Variants in DPYD observed in about 807,000 individuals in gnomAD.
The protein encoded by DPYD is dihydropyrimidine dehydrogenase [NADP(+)].
DPYD carries 109 observed loss-of-function variants against 116.2 expected under a neutral mutation model. That is an observed-to-expected ratio of 0.94 (90% CI 0.80 to 1.10). DPYD has a LOEUF of 1.10. DPYD is among the 50% of genes least tolerant of loss of function. The pLI is 0.00. For missense variants in DPYD, 1,302 were observed against 1,254.5 expected (o/e 1.04, Z -0.57); for synonymous variants, 440 against 432.0 (o/e 1.02, Z -0.23).
intron 20 of DPYD, among the ~76,000 whole-genome samples, chr1:97,133,309 GCTTT>G (rs1394933023): frequency 1.3e-5 from 2 of 151,556 alleles, no homozygotes; most frequent in African/African-American, 4.8e-5. Context: ...TTTTTTAATT[GCTTT>G]CTGATAGTGA....
intron 18 of DPYD, among the ~76,000 whole-genome samples, chr1:97,303,928 T>C (rs1390456579): frequency 6.6e-6 from 1 of 151,990 alleles, no homozygotes; most frequent in Non-Finnish European, 1.5e-5. Context: ...TAATTTCCAG[T>C]GTGTGTATGC....
chr1:97,577,994 C>T (rs1229486668), intron 10 of DPYD, among the ~76,000 whole-genome samples: 3 of 151,792 alleles, frequency 2.0e-5, no homozygotes, highest in African/African-American at 7.3e-5. Context: ...TACAGGCACC[C>T]GCCACCATGC....
intron 3 of DPYD, among the ~76,000 whole-genome samples, chr1:97,776,953 C>T (rs550203028): frequency 6.0e-4 from 92 of 152,180 alleles, no homozygotes; most frequent in African/African-American, 2.2e-3. Context: ...TACATAAAGG[C>T]GCAAAGCTAC....
chr1:97,829,069 C>T (rs1669393867), intron 2 of DPYD, among the ~76,000 whole-genome samples: 1 of 151,488 alleles, frequency 6.6e-6, no homozygotes, highest in African/African-American at 2.4e-5. Flanking sequence ...ATATATGAAT[C>T]TTTTGGCACC....
At chr1:97,878,754 T>C (rs1387421936) in intron 2 of DPYD, among the ~76,000 whole-genome samples, 1 of 151,980 alleles carries the variant, frequency 6.6e-6, no homozygotes, top group Non-Finnish European at 1.5e-5. Flanking sequence ...CAACTCACAC[T>C]GATCATTAAA....
At chr1:97,812,103 T>C (rs1239868999) in intron 3 of DPYD, among the ~76,000 whole-genome samples, 4 of 152,166 alleles carry the variant, frequency 2.6e-5, no homozygotes, top group African/African-American at 9.7e-5. Flanking sequence ...TCCCTCATGA[T>C]TTTAGAATTA....
intron 8 of DPYD, among the ~76,000 whole-genome samples, chr1:97,623,097 T>C (rs149866803): frequency 2.0e-4 from 31 of 152,092 alleles, no homozygotes; most frequent in African/African-American, 7.0e-4. Flanking sequence ...AGCTGGGCAA[T>C]GTTGAAAGTG....
intron 11 of DPYD, among the ~76,000 whole-genome samples, chr1:97,553,986 T>C (rs1170237013): frequency 1.3e-5 from 2 of 152,108 alleles, no homozygotes; most frequent in Non-Finnish European, 2.9e-5. Flanking sequence ...TATGTTCAAA[T>C]GAGCTTATTT....
At chr1:97,686,962 CA>C in intron 7 of DPYD, among the ~76,000 whole-genome samples, 1 of 151,778 alleles carries the variant, frequency 6.6e-6, no homozygotes, top group Admixed American at 6.6e-5. Context: ...AGAAAAAAAC[CA>C]ACCCCATTAA....
intron 3 of DPYD, among the ~76,000 whole-genome samples, chr1:97,758,150 T>C (rs578007764): frequency 1.0e-3 from 155 of 152,254 alleles, no homozygotes; most frequent in Non-Finnish European, 1.8e-3. Context: ...GAAAAAACAC[T>C]GGACAAATAA....
intron 2 of DPYD, among the ~76,000 whole-genome samples, chr1:97,853,687 C>G (rs1329643419): frequency 6.6e-6 from 1 of 152,166 alleles, no homozygotes; most frequent in African/African-American, 2.4e-5. Context: ...CAGACTAACA[C>G]TTTTACTAGG....
At chr1:97,683,103 A>C (rs1453985191) in intron 7 of DPYD, among the ~76,000 whole-genome samples, 1 of 152,044 alleles carries the variant, frequency 6.6e-6, no homozygotes, top group Non-Finnish European at 1.5e-5. Flanking sequence ...TTATTTTTAA[A>C]AATCAAATAA....
chr1:97,406,647 T>C (rs1673676518), intron 14 of DPYD, among the ~76,000 whole-genome samples: 1 of 149,430 alleles, frequency 6.7e-6, no homozygotes, highest in Non-Finnish European at 1.5e-5. Context: ...TGGTGGGGTG[T>C]AAATTAGCTC....
At chr1:97,542,387 C>G (rs531430248) in intron 12 of DPYD, among the ~76,000 whole-genome samples, 4 of 152,146 alleles carry the variant, frequency 2.6e-5, no homozygotes, top group Non-Finnish European at 4.4e-5. Context: ...ATTAGTGGAG[C>G]TTGGTCTGGA....
At chr1:97,718,350 A>G (rs1662731330) in intron 5 of DPYD, among the ~76,000 whole-genome samples, 1 of 151,492 alleles carries the variant, frequency 6.6e-6, no homozygotes, top group African/African-American at 2.4e-5. Flanking sequence ...AGTTTCTTGT[A>G]GATTCTGGGT....
In DPYD at chr1:97,536,942, C is replaced by T. The variant is rs201240139; in HGVS notation, c.1524+12618G>A. On this transcript the variant is annotated intron_variant, in intron 12 of 22. Transcript: ENST00000370192. ...GAAATACTCTAATATTAAGCCTGTG[C>T]AATTTAAATTTCTAATTCTCGAATC... is the stretch of plus-strand genomic sequence containing the variant. Among the ~76,000 whole-genome samples, 3 of 152,154 alleles carry T rather than the reference C, an allele frequency of 2.0e-5. No homozygotes were observed. The East Asian group carries it at 5.8e-4, about 29-fold the overall frequency.
chr1:97,853,311 T>C (rs58893462), intron 2 of DPYD, among the ~76,000 whole-genome samples: 2,836 of 152,304 alleles, frequency 0.019, 91 homozygotes, highest in African/African-American at 0.065. Context: ...TTCTATGCTG[T>C]TAGTTCAGTT....
At chr1:97,870,270 T>C (rs763725503) in intron 2 of DPYD, among the ~76,000 whole-genome samples, 1 of 151,848 alleles carries the variant, frequency 6.6e-6, no homozygotes, top group Admixed American at 6.6e-5. Context: ...AGCATGACCA[T>C]GCAAATAGGG....
intron 12 of DPYD, chr1:97,546,203 G>C: frequency 6.5e-7 from 1 of 1,531,378 alleles, no homozygotes. Flanking sequence ...ACAAGAACAG[G>C]ACAAAACGAG....
Sources: gnomAD v4.1 joint callset for allele counts (sites outside exome capture counted in the v4.1 genomes callset) on GRCh38, gnomAD v4.1.1 for gene constraint, MANE v1.5 for transcripts, NCBI Gene and HGNC (gene_info 2026-07-23, HGNC 2026-07-21) for gene names.